The following CELF2 variants were observed in gnomAD, a reference collection of about 807,000 sequenced individuals.
CELF2 encodes CUG triplet repeat RNA-binding protein 2.
In CELF2, 8 loss-of-function variants were observed where a neutral mutation model predicts 62.6. The observed-to-expected ratio is 0.13, with a 90% CI of 0.07 to 0.23. The LOEUF is 0.23. Ranked by LOEUF, CELF2 falls within the 10% of genes least tolerant of loss-of-function variation. The probability of loss-of-function intolerance (pLI) is 1.00; values close to 1 mark genes in which losing one functional copy is unlikely to be tolerated. For missense variants in CELF2, 333 were observed against 671.0 expected (o/e 0.50, Z 5.56); for synonymous variants, 258 against 250.0 (o/e 1.03, Z -0.30).
At chr10:11,254,527 A>G (rs777098298) in intron 4 of CELF2, among the ~76,000 whole-genome samples, 21 of 152,196 alleles carry the variant, frequency 1.4e-4, no homozygotes, top group Non-Finnish European at 2.8e-4. Flanking sequence ...GCATTTCTTC[A>G]TGAGTAGTTT....
intron 2 of CELF2, among the ~76,000 whole-genome samples, chr10:11,170,042 A>G (rs770070050): frequency 6.6e-6 from 1 of 152,188 alleles, no homozygotes; most frequent in African/African-American, 2.4e-5. Flanking sequence ...TTGTGGGGAA[A>G]GGAAATGCAT....
intron 1 of CELF2, among the ~76,000 whole-genome samples, chr10:10,888,818 T>C (rs987734842): frequency 1.3e-5 from 2 of 152,216 alleles, no homozygotes; most frequent in African/African-American, 2.4e-5. Flanking sequence ...TTCTGAAACC[T>C]TTCAGCACGT....
Position 11,249,139 on chromosome 10 carries a change from T to C in CELF2, c.355-14T>C. On this transcript the variant is annotated splice_polypyrimidine_tract_variant and intron_variant, in intron 3 of 12. Coordinates refer to ENST00000633077, the MANE Select transcript of CELF2 (RefSeq NM_001326342.2). ...GTTCAATCTGCCTTTACTTTCTCCC[T>C]TTTGTGTTTTTAGATGCATCATCCC... The C allele has an allele frequency of 6.2e-7, 1 of 1,609,944 alleles. No individual in the cohort carries two copies. The highest frequency in any genetic ancestry group is 8.5e-7 in the Non-Finnish European group (1 of 1,176,210).
intron 1 of CELF2, among the ~76,000 whole-genome samples, chr10:10,818,767 G>A (rs572348025): frequency 3.9e-5 from 6 of 152,092 alleles, no homozygotes; most frequent in African/African-American, 1.2e-4. Context: ...TAGTAGAGAT[G>A]GGGTTTCCCC....
the CELF2 span, among the ~76,000 whole-genome samples, chr10:10,499,101 C>T: frequency 6.1e-5 from 9 of 146,750 alleles, no homozygotes; most frequent in South Asian, 2.2e-4. Flanking sequence ...GAGTCTCACT[C>T]TGTTGCCTAG....
At chr10:11,160,070 GA>G (rs2065351715) in intron 1 of CELF2, among the ~76,000 whole-genome samples, 1 of 152,230 alleles carries the variant, frequency 6.6e-6, no homozygotes, top group African/African-American at 2.4e-5. Context: ...CTGTGAGCCA[GA>G]GGGACTGAAT....
In CELF2 at chr10:11,197,074, A is replaced by AGAAAGAAAG. The variant is rs2058123450; in HGVS notation, c.272-20350_272-20342dup. Among the ~76,000 whole-genome samples, 6 of 141,578 alleles carry AGAAAGAAAG rather than the reference A, an allele frequency of 4.2e-5. 1 individual carries two copies. Among genetic ancestry groups the AGAAAGAAAG allele is most frequent in the African/African-American group, 1.7e-4 (6 of 36,016 alleles). The allele number at this position is 141,578 out of a possible 152,430, so 92.9% of individuals were successfully genotyped here. On this transcript the variant is annotated intron_variant, in intron 2 of 12. Transcript: ENST00000633077. ...GAAAGAAAGAAAAGAAAGAAAGGAAAGAAAGAAAGAAGAAAGAAAGAAGGG... is the reference window on the plus strand; with the variant it reads ...GAAAGAAAGAAAAGAAAGAAAGGAAAGAAAGAAAGGAAAGAAAGAAGAAAGAAAGAAGGG...
At chr10:11,199,123 A>T (rs1013251717) in intron 2 of CELF2, among the ~76,000 whole-genome samples, 2 of 152,194 alleles carry the variant, frequency 1.3e-5, no homozygotes, top group Non-Finnish European at 2.9e-5. Flanking sequence ...TAGTGGCGAG[A>T]GATTGTCAAG....
At chr10:10,835,731 T>C (rs2058236055) in intron 1 of CELF2, among the ~76,000 whole-genome samples, 1 of 152,208 alleles carries the variant, frequency 6.6e-6, no homozygotes, top group Admixed American at 6.5e-5. Context: ...TATCAGCCTC[T>C]GAGTTTGCAT....
At chr10:11,151,816 CA>C (rs1212347537) in intron 1 of CELF2, among the ~76,000 whole-genome samples, 1 of 151,982 alleles carries the variant, frequency 6.6e-6, no homozygotes, top group African/African-American at 2.4e-5. Flanking sequence ...CTCCTAAAAA[CA>C]AGGGTGTCTG....
chr10:10,695,686 CT>C, the CELF2 span, among the ~76,000 whole-genome samples: 1 of 152,296 alleles, frequency 6.6e-6, no homozygotes, highest in South Asian at 2.1e-4. Flanking sequence ...TCCCATATTT[CT>C]TGGAGGCTTT....
intron 1 of CELF2, among the ~76,000 whole-genome samples, chr10:11,083,952 T>C (rs2074719857): frequency 1.3e-5 from 2 of 152,310 alleles, no homozygotes; most frequent in Non-Finnish European, 1.5e-5. Context: ...GCATGGACTA[T>C]ATCAGACATG....
rs2062134403 is a variant in CELF2, at chr10:11,145,690, A to G, written c.75-19796A>G. ...AGCTGAATGTAGAACAACTGCACAT[A>G]AACCAGACATGCTTTAGAAAATCCA... is the stretch of plus-strand genomic sequence containing the variant. On this transcript the variant is annotated intron_variant, in intron 1 of 12. Transcript: ENST00000633077. The surrounding 1 kb of genome is among the most constrained non-coding windows in gnomAD (Gnocchi z 4.3). Among the ~76,000 whole-genome samples, 1 of 152,218 alleles carries G rather than the reference A, an allele frequency of 6.6e-6. No individual in the cohort carries two copies. The highest frequency in any genetic ancestry group is 6.5e-5 in the Admixed American group (1 of 15,276).
At chr10:10,914,949 T>G (rs2064181225) in intron 1 of CELF2, among the ~76,000 whole-genome samples, 1 of 151,762 alleles carries the variant, frequency 6.6e-6, no homozygotes. Context: ...ACCAACATGG[T>G]GAAACCGCAT....
the CELF2 span, among the ~76,000 whole-genome samples, chr10:10,605,773 A>G: frequency 2.0e-5 from 3 of 152,248 alleles, no homozygotes; most frequent in African/African-American, 7.2e-5. Context: ...TGTGAGAAAC[A>G]GCAAAGTCAT....
rs1361815541 is a variant in CELF2, at chr10:11,321,774, G to T, written c.1294+388G>T. Reference sequence around the variant, plus strand: ...TTACCTTCTAATTTAATTTTTCATCGATCTCTTCAGATGAAGTTCTTGTCC... The same window carrying T: ...TTACCTTCTAATTTAATTTTTCATCTATCTCTTCAGATGAAGTTCTTGTCC... On this transcript the variant is annotated intron_variant, in intron 11 of 12. Coordinates refer to ENST00000633077, the MANE Select transcript of CELF2 (RefSeq NM_001326342.2). The surrounding 1 kb of genome is among the most constrained non-coding windows in gnomAD (Gnocchi z 6.2). Among the ~76,000 whole-genome samples the T allele has an allele frequency of 2.6e-5, 4 of 151,966 alleles. No homozygotes were observed. The highest frequency in any genetic ancestry group is 9.7e-5 in the African/African-American group (4 of 41,350).
chr10:10,771,595 G>A, the CELF2 span, among the ~76,000 whole-genome samples: 1 of 152,178 alleles, frequency 6.6e-6, no homozygotes, highest in Non-Finnish European at 1.5e-5. Flanking sequence ...CCCCCATACT[G>A]TTCTCGTGTA....
At chr10:11,114,989 A>AC (rs1391208018) in intron 1 of CELF2, among the ~76,000 whole-genome samples, 1 of 152,254 alleles carries the variant, frequency 6.6e-6, no homozygotes, top group Non-Finnish European at 1.5e-5. Context: ...ACCTTCTGGC[A>AC]CACAGTAGGG....
At chr10:10,711,984 G>A in the CELF2 span, among the ~76,000 whole-genome samples, 1 of 151,978 alleles carries the variant, frequency 6.6e-6, no homozygotes, top group Non-Finnish European at 1.5e-5. Context: ...GTCTGGATGT[G>A]CAAGGAAGAA....
Sources: gnomAD v4.1 joint callset for allele counts (sites outside exome capture counted in the v4.1 genomes callset) on GRCh38, gnomAD v4.1.1 for gene constraint, Gnocchi (gnomAD v3.1) non-coding constraint, MANE v1.5 for transcripts, NCBI Gene and HGNC (gene_info 2026-07-23, HGNC 2026-07-21) for gene names.